The following BCAT1 variants were observed in gnomAD, a reference collection of about 807,000 sequenced individuals.
The protein encoded by BCAT1 is branched-chain-amino-acid aminotransferase, cytosolic.
In BCAT1, 48 loss-of-function variants were observed where a neutral mutation model predicts 52.4. The observed-to-expected ratio is 0.92, with a 90% CI of 0.73 to 1.16. The LOEUF (loss-of-function observed/expected upper bound fraction) is 1.16. BCAT1 is among the 50% of genes most tolerant of loss of function. BCAT1 has a pLI of 0.00. For synonymous variants in BCAT1, 167 were observed against 161.3 expected, an observed-to-expected ratio of 1.04 and a Z score of -0.27; for missense variants, 451 against 457.1, an observed-to-expected ratio of 0.99 and a Z score of 0.12.
At chr12:24,878,209 ATATTT>A (rs1942399769) in intron 5 of BCAT1, among the ~76,000 whole-genome samples, 1 of 151,890 alleles carries the variant, frequency 6.6e-6, no homozygotes. Flanking sequence ...GGTCACAGAG[ATATTT>A]TGTATTTCTT....
intron 1 of BCAT1, 128 bp from the exon 2 acceptor site, chr12:24,902,013 G>T (rs778140235): frequency 1.7e-5 from 27 of 1,584,854 alleles, no homozygotes; most frequent in Non-Finnish European, 2.1e-5. Context: ...AAAAAAGGAG[G>T]CTCAGACAAC....
chr12:24,858,826 G>T (rs1941766985), intron 5 of BCAT1, among the ~76,000 whole-genome samples: 1 of 152,226 alleles, frequency 6.6e-6, no homozygotes. Flanking sequence ...TGGTCTTATT[G>T]CCTAGTTTAC....
chr12:24,902,768 A>G, intron 1 of BCAT1: 4 of 892,622 alleles, frequency 4.5e-6, no homozygotes, highest in Non-Finnish European at 6.5e-6. Context: ...GCAGGCTGGG[A>G]CTCCAGATTT....
chr12:24,901,832 C>G lies in BCAT1; in HGVS notation c.60G>C (p.Glu20Asp). The G allele has an allele frequency of 6.2e-7, 1 of 1,613,998 alleles. No homozygotes were observed. Among genetic ancestry groups the G allele is most frequent in the Non-Finnish European group, 8.5e-7 (1 of 1,179,890 alleles). ...AACTTACCTTAAAAGTCCCCACCAC[C>G]TCTTTTGATCCTCCTTCTCCGGTAC... ...AECTGEGGSKEVVGTFKAKDL... is the reference protein window; with the variant it reads ...AECTGEGGSKDVVGTFKAKDL... Residue 20 changes from glutamate to aspartate, a missense_variant, in exon 2 of 11, where the codon GAG becomes GAC. Transcript: ENST00000261192.
At chr12:24,905,334 T>C (rs1257925133) in intron 1 of BCAT1, among the ~76,000 whole-genome samples, 1 of 152,238 alleles carries the variant, frequency 6.6e-6, no homozygotes. Context: ...AACAGGCATG[T>C]TTATAGGTCA....
intron 7 of BCAT1, among the ~76,000 whole-genome samples, chr12:24,841,184 A>G (rs1251923949): frequency 6.6e-6 from 1 of 152,244 alleles, no homozygotes; most frequent in Non-Finnish European, 1.5e-5. Flanking sequence ...GGATCTAGTT[A>G]CAATCCCAAG....
At chr12:24,855,274 G>T (rs916711115) in intron 5 of BCAT1, among the ~76,000 whole-genome samples, 1 of 149,626 alleles carries the variant, frequency 6.7e-6, no homozygotes, top group African/African-American at 2.5e-5. Context: ...GGACATACTG[G>T]CTATGAGGTA....
intron 1 of BCAT1, among the ~76,000 whole-genome samples, chr12:24,916,361 C>G (rs1337850793): frequency 5.3e-5 from 8 of 152,112 alleles, no homozygotes; most frequent in Non-Finnish European, 1.0e-4. Flanking sequence ...GGCAAGGTAC[C>G]AGGTGTGTCT....
intron 1 of BCAT1, among the ~76,000 whole-genome samples, chr12:24,939,529 T>G (rs568572640): frequency 6.6e-6 from 1 of 152,292 alleles, no homozygotes; most frequent in South Asian, 2.1e-4. Context: ...AATATGTTAC[T>G]GGTCTTAACT....
chr12:24,944,595 G>C (rs1398798993), intron 1 of BCAT1, among the ~76,000 whole-genome samples: 1 of 152,176 alleles, frequency 6.6e-6, no homozygotes, highest in African/African-American at 2.4e-5. Flanking sequence ...TCTTCCTAAA[G>C]CAGATATCCA....
At chr12:24,841,134 A>G (rs1941161870) in intron 7 of BCAT1, among the ~76,000 whole-genome samples, 1 of 152,214 alleles carries the variant, frequency 6.6e-6, no homozygotes, top group Non-Finnish European at 1.5e-5. Context: ...AGAAATATTG[A>G]TATCTATAGT....
intron 1 of BCAT1, among the ~76,000 whole-genome samples, chr12:24,931,462 A>G (rs561359189): frequency 6.6e-6 from 1 of 152,264 alleles, no homozygotes; most frequent in Non-Finnish European, 1.5e-5. Flanking sequence ...ATTTTCTAGG[A>G]TGAATGACTA....
At chr12:24,879,028 CA>C (rs2139592366) in intron 4 of BCAT1, among the ~76,000 whole-genome samples, 1 of 152,228 alleles carries the variant, frequency 6.6e-6, no homozygotes, top group East Asian at 1.9e-4. Context: ...TACATCTTAC[CA>C]TACCCCCCAA....
rs1444971386 is a variant in BCAT1 at position 24,811,228 on chromosome 12, CTG to C, written c.*6778_*6779del. ...GTCTTTCTGGTGTGCTCAATTCTCT[CTG>C]TGTCATTTTGGTGTAAAAATACTAT... On this transcript the variant is annotated 3_prime_UTR_variant, in exon 11 of 11. Coordinates refer to ENST00000261192, the MANE Select transcript of BCAT1 (RefSeq NM_005504.7). 9.2e-5 allele frequency: 14 copies of C among 152,182 alleles called. No homozygotes were observed. The highest frequency in any genetic ancestry group is 1.6e-4 in the Non-Finnish European group (11 of 68,024). The allele number at this position is 152,182 out of a possible 1,614,324, so 9.4% of individuals were successfully genotyped here. A position where few individuals can be genotyped will look rare whatever the true frequency, so the allele number is the denominator to read the frequency against.
At chr12:24,949,164 A>C (rs1943984853), upstream of BCAT1, 1 of 558,726 alleles carries the variant, frequency 1.8e-6, no homozygotes, top group Admixed American at 3.3e-5. Flanking sequence ...GAAGACACTA[A>C]GGCTGCTCCC....
chr12:24,842,775 A>G (rs1409806248), intron 6 of BCAT1, among the ~76,000 whole-genome samples: 1 of 152,188 alleles, frequency 6.6e-6, no homozygotes, highest in African/African-American at 2.4e-5. Context: ...ACAAATGTTA[A>G]AAGTCTCGAT....
At chr12:24,869,312 C>T (rs12172778) in intron 5 of BCAT1, among the ~76,000 whole-genome samples, 9,126 of 152,206 alleles carry the variant, frequency 0.06, 356 homozygotes, top group Non-Finnish European at 0.08. Flanking sequence ...GAGCCACAGA[C>T]GGTCACACCA....
intron 5 of BCAT1, among the ~76,000 whole-genome samples, chr12:24,866,163 A>C (rs1163607699): frequency 6.6e-6 from 1 of 152,130 alleles, no homozygotes; most frequent in African/African-American, 2.4e-5. Flanking sequence ...CAGGCCCCAC[A>C]TTCGGAGCGA....
rs1942699962 is a variant in BCAT1 at position 24,887,089 on chromosome 12, A to ATG, written c.280-5679_280-5678insCA. Among the ~76,000 whole-genome samples the ATG allele has an allele frequency of 2.8e-5, 3 of 107,002 alleles. No individual in the cohort carries two copies. The South Asian group carries it at 9.3e-4, about 33-fold the overall frequency. The allele number at this position is 107,002 out of a possible 152,430, so 70.2% of individuals were successfully genotyped here. On this transcript the variant is annotated intron_variant, in intron 3 of 10. Transcript: ENST00000261192. The stretch of plus-strand genomic sequence containing the variant: ...AAAAAAAAAAAAAAAAAATATATAT[A>ATG]TATATATATATATATATATATAAAG...
Sources: gnomAD v4.1 joint callset for allele counts (sites outside exome capture counted in the v4.1 genomes callset) on GRCh38, gnomAD v4.1.1 for gene constraint, MANE v1.5 for transcripts, NCBI Gene and HGNC (gene_info 2026-07-23, HGNC 2026-07-21) for gene names.